The following VWCE variants were observed in gnomAD, a reference collection of about 807,000 sequenced individuals.
The protein encoded by VWCE is von Willebrand factor C and EGF domain-containing protein.
Under a neutral mutation model 102.9 loss-of-function variants are expected in VWCE, and 68 were observed. That is an observed-to-expected ratio of 0.66 (90% CI 0.54 to 0.81). The LOEUF is 0.81. VWCE is among the 30% of genes least tolerant of loss of function. VWCE has a pLI of 0.00. For synonymous variants in VWCE, 497 were observed against 515.4 expected, an observed-to-expected ratio of 0.96 and a Z score of 0.48; for missense variants, 1,137 against 1,263.6, an observed-to-expected ratio of 0.90 and a Z score of 1.52.
rs575781455 is a variant in VWCE, at chr11:61,269,217, A to G, written c.1786-199T>C. On this transcript the variant is annotated intron_variant, in intron 14 of 19. Transcript: ENST00000335613. ...GCCATGTGAGCCTTCCAGGAAGTCT[A>G]TGCATCTTTAAGGAGAAGGAAGGTC... The G allele has an allele frequency of 2.2e-4, 126 of 579,480 alleles. 3 individuals are homozygous for G. In the South Asian group the frequency reaches 2.4e-3, roughly 11 times the overall value. 35.9% of individuals were successfully genotyped at this position (579,480 alleles called of 1,614,324 possible). A position where few individuals can be genotyped will look rare whatever the true frequency, so the allele number is the denominator to read the frequency against.
chr11:61,288,839 G>GTTT (rs34247864), intron 4 of VWCE, among the ~76,000 whole-genome samples: 2 of 134,012 alleles, frequency 1.5e-5, no homozygotes, highest in Non-Finnish European at 1.6e-5. Flanking sequence ...TTTATGGCGC[G>GTTT]TTTTTTTTTT....
intron 15 of VWCE, among the ~76,000 whole-genome samples, chr11:61,268,008 C>T (rs1332125259): frequency 6.6e-6 from 1 of 151,784 alleles, no homozygotes; most frequent in African/African-American, 2.4e-5. Context: ...AGTGATGCCA[C>T]CTTGGATGAT....
In VWCE at chr11:61,258,785, C is replaced by A; in HGVS notation, c.2758G>T (p.Val920Leu). 1 of 1,494,356 alleles carries A rather than the reference C, an allele frequency of 6.7e-7. No homozygotes were observed. The highest frequency in any genetic ancestry group is 8.9e-7 in the Non-Finnish European group (1 of 1,122,886). The allele number at this position is 1,494,356 out of a possible 1,614,324, so 92.6% of individuals were successfully genotyped here. ...AGTCTAGAGGTGGTGGGAGAAAGCA[C>A]GCGAGGCCCGAGGAGGGTGATGGGG... ...KTPITLLGPR[V>L]LSPTTSRLST... The change falls in exon 20 of 20, where the codon GTG becomes TTG. Residue 920 changes from valine (V) to leucine (L), a missense_variant. Transcript: ENST00000335613.
chr11:61,286,450 G>T lies in VWCE; in HGVS notation c.425-20C>A, dbSNP rs372271528. ...CAATGTCTGGAAAGACAGAAAGCACGTGTTTACACAGTGGTCCTCGCAAGA... is the reference window on the plus strand; with the variant it reads ...CAATGTCTGGAAAGACAGAAAGCACTTGTTTACACAGTGGTCCTCGCAAGA... On this transcript the variant is annotated intron_variant, in intron 4 of 19. Transcript: ENST00000335613. 2 of 1,603,786 alleles carry T rather than the reference G, an allele frequency of 1.2e-6. No individual in the cohort carries two copies. The highest frequency in any genetic ancestry group is 2.2e-5 in the South Asian group (2 of 90,952).
At chr11:61,263,829 A>G (rs746362803) in intron 19 of VWCE, among the ~76,000 whole-genome samples, 3 of 152,192 alleles carry the variant, frequency 2.0e-5, no homozygotes, top group Non-Finnish European at 4.4e-5. Context: ...TGCTCAACAC[A>G]TATTAGAGAT....
At chr11:61,287,556 CA>C (rs1009722822) in intron 4 of VWCE, among the ~76,000 whole-genome samples, 12 of 152,274 alleles carry the variant, frequency 7.9e-5, no homozygotes, top group Admixed American at 7.8e-4. Context: ...AACTAAGACA[CA>C]GCGCTGACTC....
rs1349865595 is a variant in VWCE, at chr11:61,258,999, A to G, written c.2544T>C (p.Pro848=). The G allele has an allele frequency of 6.2e-7, 1 of 1,612,322 alleles. No individual in the cohort carries two copies. Among genetic ancestry groups the G allele is most frequent in the African/African-American group, 1.3e-5 (1 of 74,894 alleles). Residue 848 remains proline, a synonymous_variant, in exon 20 of 20, where the codon CCT becomes CCC. Coordinates refer to ENST00000335613, the MANE Select transcript of VWCE (RefSeq NM_152718.2). The part of the protein sequence containing the change: ...PGASPRLSPG[P]STPPGAPTLP... Reference sequence around the variant, plus strand: ...GAGTGGGGGCTCCTGGAGGGGTCGAAGGCCCTGGTGAGAGTCGAGGGGAGG... The same window carrying G: ...GAGTGGGGGCTCCTGGAGGGGTCGAGGGCCCTGGTGAGAGTCGAGGGGAGG...
chr11:61,293,446 C>G (rs918645545), intron 1 of VWCE, among the ~76,000 whole-genome samples: 1 of 150,670 alleles, frequency 6.6e-6, no homozygotes, highest in Non-Finnish European at 1.5e-5. Context: ...GTAGGGCAGC[C>G]AGCAAAAGAA....
chr11:61,292,358 T>G (rs796562308), intron 1 of VWCE, among the ~76,000 whole-genome samples: 3 of 152,356 alleles, frequency 2.0e-5, no homozygotes, highest in African/African-American at 7.2e-5. Flanking sequence ...CCTTGCTTTA[T>G]TCTCCACAAC....
At chr11:61,272,891 CAT>C (rs1396024480) in intron 13 of VWCE, among the ~76,000 whole-genome samples, 4 of 151,784 alleles carry the variant, frequency 2.6e-5, no homozygotes, top group Non-Finnish European at 4.4e-5. Flanking sequence ...CAGAGAGACA[CAT>C]AGACATACTA....
intron 16 of VWCE, among the ~76,000 whole-genome samples, chr11:61,266,560 ATTT>A (rs929423600): frequency 6.6e-6 from 1 of 151,160 alleles, no homozygotes; most frequent in African/African-American, 2.4e-5. Flanking sequence ...AAAAAAAACA[ATTT>A]TTTTTTCATT....
At chr11:61,282,974 T>G in intron 5 of VWCE, 69 bp from the exon 6 acceptor site, 2 of 1,341,990 alleles carry the variant, frequency 1.5e-6, no homozygotes, top group Non-Finnish European at 2.1e-6. Flanking sequence ...TGGTCCCCTC[T>G]TCCTCCCTCA....
In VWCE at chr11:61,283,410, G is replaced by T. The variant is rs142742306; in HGVS notation, c.542-505C>A. On this transcript the variant is annotated intron_variant, in intron 5 of 19. Transcript: ENST00000335613. ...TTCACTCTGGCTTAAATTCTTTTTTGTTGTTGTTGTTGTTTTTTGAGACAG... is the reference window on the plus strand; with the variant it reads ...TTCACTCTGGCTTAAATTCTTTTTTTTTGTTGTTGTTGTTTTTTGAGACAG... Among the ~76,000 whole-genome samples the T allele has an allele frequency of 1.8e-3, 274 of 152,148 alleles. 2 individuals carry two copies. Among genetic ancestry groups the T allele is most frequent in the African/African-American group, 6.5e-3 (268 of 41,504 alleles).
chr11:61,271,628 C>T (rs1026613468), intron 14 of VWCE, 47 bp downstream of exon 14: 9 of 1,553,824 alleles, frequency 5.8e-6, no homozygotes, highest in South Asian at 3.5e-5. Flanking sequence ...CTGGGTGAGG[C>T]GGGGCAGCCA....
At chr11:61,273,723 G>A (rs367698197) in intron 12 of VWCE, 15 of 177,376 alleles carry the variant, frequency 8.5e-5, no homozygotes, top group African/African-American at 1.9e-4. Context: ...TCCTGTCTCC[G>A]AAGTACTGCC....
Position 61,273,265 on chromosome 11 carries a change from G to A in VWCE, c.1633C>T (p.Arg545Ter), listed in dbSNP as rs537353127. ...FMPCPELACP[R>*]EEWRLGPGQC... ...CCAGGGCCCAGCCGCCACTCTTCTC[G>A]GGGGCAGGCCAGCTCAGGGCAGGGC... is the stretch of plus-strand genomic sequence containing the variant. Residue 545 changes from arginine to a stop codon, truncating the protein, a stop_gained, in exon 13 of 20, where the codon CGA becomes TGA. Coordinates refer to ENST00000335613, the MANE Select transcript of VWCE (RefSeq NM_152718.2). LOFTEE classifies it high-confidence loss of function. 13 of 1,613,806 alleles carry A rather than the reference G, an allele frequency of 8.1e-6. No homozygotes were observed. The highest frequency in any genetic ancestry group is 2.2e-5 in the East Asian group (1 of 44,852).
chr11:61,260,125 C>T (rs938830288), intron 19 of VWCE, among the ~76,000 whole-genome samples: 9 of 152,142 alleles, frequency 5.9e-5, no homozygotes, highest in African/African-American at 7.2e-5. Flanking sequence ...CGTGGTGGCG[C>T]GTGCCTGTAG....
chr11:61,263,683 G>A (rs1854422714), intron 19 of VWCE, among the ~76,000 whole-genome samples: 1 of 152,124 alleles, frequency 6.6e-6, no homozygotes, highest in Non-Finnish European at 1.5e-5. Flanking sequence ...CTGAAACCCT[G>A]GCTCTACTAC....
Position 61,264,674 on chromosome 11 carries a change from C to T in VWCE, c.2140-97G>A, listed in dbSNP as rs1012217268. The T allele has an allele frequency of 1.6e-4, 210 of 1,312,324 alleles. 1 individual carries two copies. The highest frequency in any genetic ancestry group is 9.1e-4 in the South Asian group (71 of 77,732). 81.3% of individuals were successfully genotyped at this position (1,312,324 alleles called of 1,614,324 possible). ...CCTCTTGCACCAGCAGCAGGACCCA[C>T]GGAAAGATCCCAGGACAGAGGCTGC... On this transcript the variant is annotated intron_variant, in intron 18 of 19. Transcript: ENST00000335613.
Sources: allele counts gnomAD v4.1 joint callset (sites outside exome capture counted in the v4.1 genomes callset), GRCh38; gene constraint gnomAD v4.1.1; transcripts MANE v1.5; gene names NCBI Gene and HGNC (gene_info 2026-07-23, HGNC 2026-07-21).